METTL21A: variants seen among roughly 807,000 people sequenced by gnomAD.
METTL21A encodes methyltransferase 21A, HSPA lysine, also known as protein N-lysine methyltransferase METTL21A.
In METTL21A, 22 loss-of-function variants were observed where a neutral mutation model predicts 20.9. That is an observed-to-expected ratio of 1.05 (90% CI 0.75 to 1.50). The LOEUF (loss-of-function observed/expected upper bound fraction) is 1.50, where lower values mean the gene tolerates loss of function less well. Among genes scored for constraint, METTL21A ranks in the 40% most tolerant of loss-of-function variants. METTL21A has a pLI of 0.00. For missense variants in METTL21A, 271 were observed against 266.8 expected (o/e 1.02, Z -0.11); for synonymous variants, 93 against 102.0 (o/e 0.91, Z 0.53).
At chr2:207,614,522 A>G (rs1411788869) in intron 3 of METTL21A, among the ~76,000 whole-genome samples, 1 of 152,230 alleles carries the variant, frequency 6.6e-6, no homozygotes, top group Non-Finnish European at 1.5e-5. Context: ...ATCCCAGTCC[A>G]CTTCTCCTTA....
chr2:207,616,572 C>T (rs772928004), intron 3 of METTL21A, among the ~76,000 whole-genome samples: 16 of 152,180 alleles, frequency 1.1e-4, no homozygotes, highest in Non-Finnish European at 2.2e-4. Context: ...CGGCTGGGTG[C>T]GGTGACTCAC....
At chr2:207,588,861 ATTTAC>A (rs1268916931) in intron 3 of METTL21A, among the ~76,000 whole-genome samples, 5 of 127,442 alleles carry the variant, frequency 3.9e-5, no homozygotes, top group Non-Finnish European at 1.6e-5. Flanking sequence ...ACCATTCTAA[ATTTAC>A]TTATTAGTTC....
chr2:207,619,082 A>G (rs1366548344), intron 3 of METTL21A, among the ~76,000 whole-genome samples: 1 of 152,110 alleles, frequency 6.6e-6, no homozygotes, highest in Non-Finnish European at 1.5e-5. Context: ...TGTAATGCAC[A>G]GTCCTCAGAA....
intron 3 of METTL21A, chr2:207,600,024 T>TA (rs2086766529): frequency 1.1e-5 from 2 of 189,264 alleles, no homozygotes; most frequent in Admixed American, 1.2e-4. Flanking sequence ...ATATTACTCT[T>TA]ATGAGTTTTC....
At chr2:207,588,139 C>T (rs112895347) in intron 3 of METTL21A, among the ~76,000 whole-genome samples, 5 of 152,210 alleles carry the variant, frequency 3.3e-5, no homozygotes, top group East Asian at 1.9e-4. Context: ...ACACAGACTT[C>T]GTTTTCCTCT....
At chr2:207,622,453 C>T (rs2090611419) in intron 2 of METTL21A, among the ~76,000 whole-genome samples, 1 of 152,180 alleles carries the variant, frequency 6.6e-6, no homozygotes, top group South Asian at 2.1e-4. Flanking sequence ...AGCTATCACA[C>T]CCAGCCTGGA....
chr2:207,602,571 A>C (rs576332570), intron 3 of METTL21A: 1 of 211,734 alleles, frequency 4.7e-6, no homozygotes, highest in South Asian at 1.9e-4. Flanking sequence ...GTTAGCTTAA[A>C]AATTGGTAGG....
At chr2:207,618,106 A>G (rs2090011860) in intron 3 of METTL21A, among the ~76,000 whole-genome samples, 1 of 152,234 alleles carries the variant, frequency 6.6e-6, no homozygotes, top group Non-Finnish European at 1.5e-5. Context: ...AATCAAAGAC[A>G]GTATCTTCCT....
At chr2:207,619,905 T>C (rs1488492383) in intron 3 of METTL21A, among the ~76,000 whole-genome samples, 1 of 152,212 alleles carries the variant, frequency 6.6e-6, no homozygotes, top group Non-Finnish European at 1.5e-5. Context: ...ATGCACAATG[T>C]ACAGATGGGG....
chr2:207,593,789 G>A (rs1248552589), intron 3 of METTL21A, among the ~76,000 whole-genome samples: 2 of 149,210 alleles, frequency 1.3e-5, no homozygotes, highest in Admixed American at 1.3e-4. Flanking sequence ...CGCTATCTTG[G>A]CTCACTGCAA....
chr2:207,581,599 A>C (rs1011745098), downstream of METTL21A: 5 of 330,420 alleles, frequency 1.5e-5, no homozygotes, highest in African/African-American at 8.5e-5. Flanking sequence ...GTAAATATAC[A>C]TTTTTAATAT....
chr2:207,596,894 C>A, intron 3 of METTL21A: 2 of 1,586,960 alleles, frequency 1.3e-6, no homozygotes, highest in Admixed American at 1.9e-5. Context: ...ATAATTTTTC[C>A]CGTCCTCTTT....
chr2:207,598,184 G>C (rs1354722798), intron 3 of METTL21A: 1 of 181,586 alleles, frequency 5.5e-6, no homozygotes, highest in Non-Finnish European at 1.2e-5. Flanking sequence ...GAAGTTGTAA[G>C]GATATAAAAA....
At chr2:207,618,042 A>T (rs999505183) in intron 3 of METTL21A, among the ~76,000 whole-genome samples, 11 of 152,248 alleles carry the variant, frequency 7.2e-5, no homozygotes, top group African/African-American at 2.7e-4. Context: ...TCCAGCTTTC[A>T]GTTAAACACA....
At chr2:207,594,253 A>G (rs2085675185) in intron 3 of METTL21A, among the ~76,000 whole-genome samples, 1 of 152,158 alleles carries the variant, frequency 6.6e-6, no homozygotes, top group Non-Finnish European at 1.5e-5. Context: ...AAAATTGACC[A>G]TCTTAATGAG....
intron 3 of METTL21A, chr2:207,599,695 C>CT (rs1220730009): frequency 5.1e-6 from 1 of 195,900 alleles, no homozygotes; most frequent in Non-Finnish European, 1.1e-5. Context: ...GTGCAGTTTT[C>CT]TTTTTTTAAT....
At chr2:207,616,661 A>G (rs1363544992) in intron 3 of METTL21A, among the ~76,000 whole-genome samples, 1 of 152,212 alleles carries the variant, frequency 6.6e-6, no homozygotes, top group Non-Finnish European at 1.5e-5. Flanking sequence ...CCTGGCCAAC[A>G]TGATGAAACC....
intron 3 of METTL21A, among the ~76,000 whole-genome samples, chr2:207,620,992 G>C (rs1221681039): frequency 1.3e-5 from 2 of 152,110 alleles, no homozygotes; most frequent in East Asian, 3.9e-4. Flanking sequence ...CTGCTTGTTA[G>C]AAATGCAGGT....
chr2:207,584,270 C>T (rs1324314078), intron 3 of METTL21A, among the ~76,000 whole-genome samples: 2 of 152,154 alleles, frequency 1.3e-5, no homozygotes, highest in Non-Finnish European at 2.9e-5. Context: ...TTTATATTCC[C>T]ACCAGGAATG....
Sources: gnomAD v4.1 joint callset for allele counts (sites outside exome capture counted in the v4.1 genomes callset) on GRCh38, gnomAD v4.1.1 for gene constraint, MANE v1.5 for transcripts, NCBI Gene and HGNC (gene_info 2026-07-23, HGNC 2026-07-21) for gene names.